The following TNR variants were observed in gnomAD, a reference collection of about 807,000 sequenced individuals.
TNR encodes the protein tenascin-R.
A neutral mutation model predicts 150.4 loss-of-function variants in TNR; 45 were observed. The ratio of observed to expected loss-of-function variants is 0.30; its 90% CI spans 0.24 to 0.38. The LOEUF is 0.38. TNR is among the 10% of genes least tolerant of loss of function. The pLI is 1.00. For synonymous variants in TNR, 687 were observed against 678.4 expected (o/e 1.01, Z -0.20); for missense variants, 1,544 against 1,759.1 (o/e 0.88, Z 2.19).
intron 4 of TNR, 97 bp from the exon 5 acceptor site, chr1:175,396,904 G>A: frequency 6.8e-7 from 1 of 1,470,226 alleles, no homozygotes; most frequent in East Asian, 2.3e-5. Context: ...CCCATGCCAT[G>A]TCTATATGTC....
intron 7 of TNR, among the ~76,000 whole-genome samples, chr1:175,390,016 G>C (rs924198062): frequency 1.2e-4 from 18 of 152,124 alleles, no homozygotes; most frequent in African/African-American, 4.1e-4. Context: ...GAGCTGTCCT[G>C]GTTGGAGGCA....
intron 1 of TNR, among the ~76,000 whole-genome samples, chr1:175,574,199 A>G (rs1424038133): frequency 2.0e-5 from 3 of 152,162 alleles, no homozygotes; most frequent in Non-Finnish European, 2.9e-5. Context: ...GGCCATTACC[A>G]TGGCCTTAAA....
chr1:175,355,551 C>T lies in TNR; in HGVS notation c.3201G>A (p.Glu1067=), dbSNP rs753307143. 5 of 1,614,104 alleles carry T rather than the reference C, an allele frequency of 3.1e-6. No homozygotes were observed. Among genetic ancestry groups the T allele is most frequent in the Non-Finnish European group, 4.2e-6 (5 of 1,179,944 alleles). The change falls in exon 17 of 23, where the codon GAG becomes GAA. Residue 1067 remains glutamate (E), a synonymous_variant. Coordinates refer to ENST00000367674, the MANE Select transcript of TNR (RefSeq NM_003285.3). The part of the protein sequence containing the change: ...ALISWQPPRA[E]IENYVLTYKS... ...TGTAGGTCAAGACATAATTTTCAAT[C>T]TCTGCCCTGGGAGGCTGCCAGGAGA... is the stretch of plus-strand genomic sequence containing the variant.
intron 7 of TNR, among the ~76,000 whole-genome samples, chr1:175,389,150 C>T (rs1017519418): frequency 2.6e-5 from 4 of 152,152 alleles, no homozygotes; most frequent in Admixed American, 2.0e-4. Context: ...AAATTTGGCA[C>T]CTTGGTGTGC....
intron 1 of TNR, among the ~76,000 whole-genome samples, chr1:175,592,625 T>C (rs1268830035): frequency 6.6e-6 from 1 of 152,188 alleles, no homozygotes; most frequent in African/African-American, 2.4e-5. Context: ...CTACAGTCCT[T>C]TACATCACAG....
intron 2 of TNR, among the ~76,000 whole-genome samples, chr1:175,418,262 G>A (rs535073725): frequency 6.6e-6 from 1 of 152,230 alleles, no homozygotes; most frequent in South Asian, 2.1e-4. Flanking sequence ...AGCATAAATA[G>A]CAGGACATGA....
At chr1:175,374,449 A>T (rs988564041) in intron 9 of TNR, among the ~76,000 whole-genome samples, 1 of 151,874 alleles carries the variant, frequency 6.6e-6, no homozygotes, top group African/African-American at 2.4e-5. Context: ...TATGACTATG[A>T]GTGTGTGCAT....
At chr1:175,472,345 A>C (rs1173746744) in intron 2 of TNR, among the ~76,000 whole-genome samples, 1 of 152,226 alleles carries the variant, frequency 6.6e-6, no homozygotes, top group Non-Finnish European at 1.5e-5. Context: ...GTTCTACATT[A>C]ACTTTAAAAA....
At chr1:175,594,884 G>T (rs1662947507) in intron 1 of TNR, among the ~76,000 whole-genome samples, 1 of 146,218 alleles carries the variant, frequency 6.8e-6, no homozygotes, top group South Asian at 2.2e-4. Context: ...AAAATTATTG[G>T]CTGGGCATGG....
intron 18 of TNR, among the ~76,000 whole-genome samples, chr1:175,345,750 AGAG>A (rs2101998360): frequency 6.6e-6 from 1 of 152,230 alleles, no homozygotes; most frequent in East Asian, 1.9e-4. Context: ...GAAAAATAAA[AGAG>A]GAGAAAGTGC....
chr1:175,631,879 A>G (rs1255598024), intron 1 of TNR, among the ~76,000 whole-genome samples: 2 of 152,262 alleles, frequency 1.3e-5, no homozygotes, highest in Non-Finnish European at 2.9e-5. Flanking sequence ...TTTATATGTC[A>G]TAAACAGCAT....
intron 9 of TNR, among the ~76,000 whole-genome samples, chr1:175,370,268 G>A (rs1221168533): frequency 6.7e-6 from 1 of 149,902 alleles, no homozygotes; most frequent in Non-Finnish European, 1.5e-5. Flanking sequence ...AAAGTCCAGT[G>A]CCTGGATCTT....
In TNR at chr1:175,399,188, T is replaced by C. The variant is rs1653582614; in HGVS notation, c.977-2381A>G. On this transcript the variant is annotated intron_variant, in intron 4 of 22. Coordinates refer to ENST00000367674, the MANE Select transcript of TNR (RefSeq NM_003285.3). ...AATTCTTTTTAAACAGGTTCTCTAG[T>C]GCCTGTCTCCTGTGATTCAACACAT... is the stretch of plus-strand genomic sequence containing the variant. Among the ~76,000 whole-genome samples, 3 of 152,204 alleles carry C rather than the reference T, an allele frequency of 2.0e-5. No homozygotes were observed. In the South Asian group the frequency reaches 6.2e-4, roughly 32 times the overall value.
chr1:175,708,407 A>T (rs537578284), intron 1 of TNR, among the ~76,000 whole-genome samples: 33 of 152,302 alleles, frequency 2.2e-4, no homozygotes, highest in African/African-American at 7.9e-4. Context: ...TGAAGAGAGA[A>T]ATGATGAAAA....
chr1:175,589,260 C>A (rs189282558), intron 1 of TNR, among the ~76,000 whole-genome samples: 1 of 152,242 alleles, frequency 6.6e-6, no homozygotes, highest in East Asian at 1.9e-4. Flanking sequence ...CAATTTACAG[C>A]ATTATTTTTC....
chr1:175,567,430 T>A (rs1661688152), intron 1 of TNR, among the ~76,000 whole-genome samples: 1 of 152,066 alleles, frequency 6.6e-6, no homozygotes, highest in Non-Finnish European at 1.5e-5. Flanking sequence ...CGGAGGACTG[T>A]GATGATTGAC....
chr1:175,379,696 C>T lies in TNR; in HGVS notation c.1819G>A (p.Ala607Thr). Reference protein sequence around the residue: ...PKNLRVGSRTATSLDLEWDNS... With the variant: ...PKNLRVGSRTTTSLDLEWDNS... ...TCCCACTCGAGGTCAAGGCTGGTTG[C>T]TGTGCGAGAACCAACTCGCAAGTTC... The change falls in exon 9 of 23, where the codon GCA (alanine) becomes ACA (threonine). Residue 607 changes from alanine to threonine, a missense_variant. By Grantham distance (58) the Ala-to-Thr change is moderately conservative. Transcript: ENST00000367674. The T allele has an allele frequency of 1.9e-6, 3 of 1,614,196 alleles. No individual in the cohort carries two copies. Among genetic ancestry groups the T allele is most frequent in the South Asian group, 1.1e-5 (1 of 91,080 alleles).
chr1:175,718,234 G>A (rs530828445), intron 1 of TNR, among the ~76,000 whole-genome samples: 2 of 152,246 alleles, frequency 1.3e-5, no homozygotes, highest in South Asian at 2.1e-4. Flanking sequence ...CAACTCCCCA[G>A]AACTCTGCCC....
intron 1 of TNR, among the ~76,000 whole-genome samples, chr1:175,702,264 G>A (rs1293130845): frequency 6.6e-6 from 1 of 152,182 alleles, no homozygotes; most frequent in African/African-American, 2.4e-5. Flanking sequence ...GTAAATCACA[G>A]AGGCAGCTTC....
Sources: gnomAD v4.1 joint callset for allele counts (sites outside exome capture counted in the v4.1 genomes callset) on GRCh38, gnomAD v4.1.1 for gene constraint, MANE v1.5 for transcripts, NCBI Gene and HGNC (gene_info 2026-07-23, HGNC 2026-07-21) for gene names.